ACACA: variants seen among roughly 807,000 people sequenced by gnomAD.
ACACA encodes acetyl-CoA carboxylase 1.
Under a neutral mutation model 296.1 loss-of-function variants are expected in ACACA, and 103 were observed. That is an observed-to-expected ratio of 0.35 (90% CI 0.30 to 0.41). ACACA has a LOEUF of 0.41. ACACA is among the 10% of genes least tolerant of loss of function. The pLI is 1.00. For missense variants in ACACA, 1,554 were observed against 2,989.7 expected (o/e 0.52, Z 11.20); for synonymous variants, 953 against 1,038.6 (o/e 0.92, Z 1.58).
intron 33 of ACACA, among the ~76,000 whole-genome samples, chr17:37,201,575 A>G (rs2078250271): frequency 1.3e-5 from 2 of 150,258 alleles, no homozygotes; most frequent in Non-Finnish European, 3.0e-5. Context: ...AAATTAATGA[A>G]TTAAGTAAAA....
intron 45 of ACACA, among the ~76,000 whole-genome samples, chr17:37,145,714 T>C (rs1045743297): frequency 1.3e-5 from 2 of 152,212 alleles, no homozygotes; most frequent in Admixed American, 1.3e-4. Context: ...CATTAGCCCA[T>C]TCCAGAAGAT....
intron 52 of ACACA, among the ~76,000 whole-genome samples, chr17:37,105,206 T>C (rs548775556): frequency 6.6e-6 from 1 of 152,356 alleles, no homozygotes; most frequent in South Asian, 2.1e-4. Context: ...TAGAAATCTT[T>C]TTCCTTTTCT....
At chr17:37,387,972 G>A (rs1361705681) in intron 1 of ACACA, 4 of 152,066 alleles carry the variant, frequency 2.6e-5, no homozygotes, top group African/African-American at 7.2e-5. Context: ...CAAGCTCAGC[G>A]GGAAATATAA....
At chr17:37,342,436 A>AAAAAT (rs1555652530) in intron 1 of ACACA, among the ~76,000 whole-genome samples, 26 of 58,210 alleles carry the variant, frequency 4.5e-4, no homozygotes, top group Admixed American at 7.3e-4. Context: ...AAAAAAAAAA[A>AAAAAT]ATATATATAT....
Position 37,177,132 on chromosome 17 carries a change from G to A in ACACA, c.5079+2128C>T, listed in dbSNP as rs769067510. ...AAAACTATTAAAGCACTGGACAAAG[G>A]AAAACATGTGGCTCCTATACTAGAT... On this transcript the variant is annotated intron_variant, in intron 41 of 55. Transcript: ENST00000616317. Among the ~76,000 whole-genome samples the A allele has an allele frequency of 2.5e-4, 38 of 152,060 alleles. No individual in the cohort carries two copies. The Middle Eastern group carries it at 0.01, about 41-fold the overall frequency.
chr17:37,310,809 AAAAAAGAAAGAAAATGTATATCAAGT>A (rs914574365), intron 3 of ACACA, among the ~76,000 whole-genome samples: 1 of 151,450 alleles, frequency 6.6e-6, no homozygotes, highest in African/African-American at 2.4e-5. Context: ...AAAAAAAAAA[AAAAAAGAAAGAAAATGTATATCAAGT>A]AAAAAGATAA....
chr17:37,085,948 C>T lies in ACACA; in HGVS notation c.*1368G>A, dbSNP rs947762986. 6 of 398,184 alleles carry T rather than the reference C, an allele frequency of 1.5e-5. No individual in the cohort carries two copies. The highest frequency in any genetic ancestry group is 2.7e-5 in the Non-Finnish European group (6 of 226,028). 24.7% of individuals were successfully genotyped at this position (398,184 alleles called of 1,614,324 possible). On this transcript the variant is annotated 3_prime_UTR_variant, in exon 56 of 56. Coordinates refer to ENST00000616317, the MANE Select transcript of ACACA (RefSeq NM_198834.3). ...TGCTACACCAGCCCTGATCACCTGC[C>T]ACTCTTGCTTTAGGAACAGAGGAAT...
At chr17:37,193,613 T>G (rs1555585337) in intron 35 of ACACA, among the ~76,000 whole-genome samples, 198 bp from the exon 36 acceptor site, 3 of 152,142 alleles carry the variant, frequency 2.0e-5, no homozygotes, top group Non-Finnish European at 4.4e-5. Flanking sequence ...AATTTGAGAA[T>G]CACCACATTA....
intron 54 of ACACA, among the ~76,000 whole-genome samples, chr17:37,090,061 G>A (rs2072508458): frequency 6.6e-6 from 1 of 152,160 alleles, no homozygotes; most frequent in Admixed American, 6.6e-5. Flanking sequence ...TAATTTAATA[G>A]GTGGGTGTGT....
chr17:37,193,470 A>G, intron 35 of ACACA, 55 bp from the exon 36 acceptor site: 5 of 1,331,918 alleles, frequency 3.8e-6, no homozygotes, highest in Non-Finnish European at 5.4e-6. Flanking sequence ...TGGCTCTTTG[A>G]GAACAAACAG....
intron 1 of ACACA, among the ~76,000 whole-genome samples, chr17:37,394,598 C>T (rs373604500): frequency 4.7e-5 from 7 of 149,194 alleles, no homozygotes; most frequent in East Asian, 4.1e-4. Flanking sequence ...CATTCTCGGC[C>T]GGGCGCGGTG....
In ACACA at chr17:37,248,655, G is replaced by T; in HGVS notation, c.2101C>A (p.His701Asn). ...SLERGQVLPAHTLLNTVDVEL... is the reference protein window; with the variant it reads ...SLERGQVLPANTLLNTVDVEL... ...ACATCTACTGTATTCAGAAGTGTAT[G>T]AGCAGGAAGGACTTGACCCCTGAAA... is the stretch of plus-strand genomic sequence containing the variant. Residue 701 changes from histidine to asparagine, a missense_variant, in exon 17 of 56, where the codon CAT (histidine) becomes AAT (asparagine). By Grantham distance (68) the His-to-Asn change is moderately conservative (BLOSUM62 1). This residue lies in a region of ACACA where 316 missense variants were observed against 540.9 expected (regional missense o/e 0.58). Coordinates refer to ENST00000616317, the MANE Select transcript of ACACA (RefSeq NM_198834.3). The T allele has an allele frequency of 1.2e-6, 2 of 1,610,632 alleles. No homozygotes were observed. Among genetic ancestry groups the T allele is most frequent in the South Asian group, 2.2e-5 (2 of 90,812 alleles).
chr17:37,371,408 A>G (rs980976645), intron 1 of ACACA, among the ~76,000 whole-genome samples: 4 of 152,072 alleles, frequency 2.6e-5, no homozygotes, highest in African/African-American at 7.2e-5. Flanking sequence ...AAACATGGAA[A>G]AATAAAGATT....
chr17:37,195,894 T>C (rs2077974180), intron 35 of ACACA, among the ~76,000 whole-genome samples: 1 of 152,136 alleles, frequency 6.6e-6, no homozygotes, highest in Non-Finnish European at 1.5e-5. Context: ...GCAAATATCA[T>C]AATTGAATGT....
At chr17:37,324,835 CA>C (rs35499336) in intron 3 of ACACA, among the ~76,000 whole-genome samples, 12,541 of 75,760 alleles carry the variant, frequency 0.17, 784 homozygotes, top group African/African-American at 0.31. Flanking sequence ...AACTCCGACT[CA>C]AAAAAAAAAA....
In ACACA at chr17:37,161,928, C is replaced by T. The variant is rs551534773; in HGVS notation, c.5202G>A (p.Leu1734=). Residue 1734 remains leucine (L), a synonymous_variant, in exon 42 of 56, where the codon TTG becomes TTA. Transcript: ENST00000616317. ...CAAGTTCGGAAGCTCTGAGAAATAA[C>T]AAATCCTCTTGAGGCCCAAAGGACC... ...RIGSFGPQED[L]LFLRASELAR... 6.2e-6 allele frequency: 10 copies of T among 1,614,214 alleles called. No individual in the cohort carries two copies. The East Asian group carries it at 8.9e-5, about 14-fold the overall frequency.
At chr17:37,171,649 C>T (rs1006659141) in intron 41 of ACACA, among the ~76,000 whole-genome samples, 14 of 150,924 alleles carry the variant, frequency 9.3e-5, no homozygotes, top group Non-Finnish European at 1.9e-4. Flanking sequence ...ACCTCAACCT[C>T]TCTAAACAGC....
At chr17:37,325,579 CTTTTTTTTTTTTTTTT>C (rs1156553256) in intron 3 of ACACA, among the ~76,000 whole-genome samples, 1 of 67,924 alleles carries the variant, frequency 1.5e-5, no homozygotes, top group Non-Finnish European at 2.5e-5. Flanking sequence ...TCTTTTCTTT[CTTTTTTTTTTTTTTTT>C]TTTTTTTTTG....
At chr17:37,347,630 C>T (rs765169266) in intron 1 of ACACA, among the ~76,000 whole-genome samples, 17 of 151,642 alleles carry the variant, frequency 1.1e-4, no homozygotes, top group Admixed American at 2.0e-4. Context: ...AGGCCAGGTG[C>T]GGCGGCTCGC....
Sources: gnomAD v4.1 joint callset for allele counts (sites outside exome capture counted in the v4.1 genomes callset) on GRCh38, gnomAD v4.1.1 for gene constraint, gnomAD v4.1.1 regional missense constraint, MANE v1.5 for transcripts, NCBI Gene and HGNC (gene_info 2026-07-23, HGNC 2026-07-21) for gene names.